Variants in WWOX observed in about 807,000 individuals in gnomAD.
WWOX encodes WW domain-containing oxidoreductase.
A neutral mutation model predicts 46.2 loss-of-function variants in WWOX; 69 were observed. The ratio of observed to expected loss-of-function variants is 1.49; its 90% confidence interval spans 1.23 to 1.82. The LOEUF (loss-of-function observed/expected upper bound fraction) is 1.82, where lower values mean the gene tolerates loss of function less well. Among genes scored for constraint, WWOX ranks in the 40% most tolerant of loss-of-function variants. WWOX has a pLI of 0.00. For missense variants in WWOX, 919 were observed against 542.6 expected, an observed-to-expected ratio of 1.69 and a Z score of -6.89; for synonymous variants, 359 against 202.6, an observed-to-expected ratio of 1.77 and a Z score of -6.56.
At chr16:78,885,698 C>G (rs766421521) in intron 8 of WWOX, among the ~76,000 whole-genome samples, 2 of 151,874 alleles carry the variant, frequency 1.3e-5, no homozygotes, top group African/African-American at 2.4e-5. Context: ...AGGGATAACT[C>G]AATACATTAA....
intron 8 of WWOX, among the ~76,000 whole-genome samples, chr16:78,459,552 T>A (rs2083903024): frequency 6.6e-6 from 1 of 152,166 alleles, no homozygotes; most frequent in Non-Finnish European, 1.5e-5. Context: ...ACATGAATAT[T>A]TGTGGTATAT....
At chr16:78,309,266 T>C (rs560293803) in intron 5 of WWOX, among the ~76,000 whole-genome samples, 2 of 152,202 alleles carry the variant, frequency 1.3e-5, no homozygotes, top group Non-Finnish European at 1.5e-5. Flanking sequence ...TGTTTGGTAG[T>C]TTCTCTGCGT....
intron 8 of WWOX, among the ~76,000 whole-genome samples, chr16:78,763,860 G>C (rs942550634): frequency 1.2e-4 from 18 of 152,138 alleles, no homozygotes; most frequent in Non-Finnish European, 2.6e-4. Flanking sequence ...TTGCCCTGCA[G>C]AGTTTTTGGG....
intron 8 of WWOX, among the ~76,000 whole-genome samples, chr16:78,749,928 A>G (rs2049436637): frequency 6.6e-6 from 1 of 152,178 alleles, no homozygotes; most frequent in African/African-American, 2.4e-5. Context: ...CAGAGAGTAG[A>G]CTTTTAAAAG....
At chr16:78,591,396 A>G in intron 8 of WWOX, among the ~76,000 whole-genome samples, 1 of 152,300 alleles carries the variant, frequency 6.6e-6, no homozygotes, top group Non-Finnish European at 1.5e-5. Context: ...GTAACAGCCC[A>G]GTACACAACT....
Position 79,027,229 on chromosome 16 carries a change from G to A in WWOX, c.1057-184379G>A, listed in dbSNP as rs148147513. Among the ~76,000 whole-genome samples, 666 of 148,584 alleles carry A rather than the reference G, an allele frequency of 4.5e-3. 15 individuals are homozygous for A. Among genetic ancestry groups the A allele is most frequent in the African/African-American group, 0.015 (596 of 39,778 alleles). ...GGGGAGGTTGAGGCTGCAGTGGGCT[G>A]TGATCATGCCACTGCACTTCAGCCT... On this transcript the variant is annotated intron_variant, in intron 8 of 8. Transcript: ENST00000566780.
intron 8 of WWOX, among the ~76,000 whole-genome samples, chr16:79,064,207 C>G (rs1246175871): frequency 6.6e-6 from 1 of 152,138 alleles, no homozygotes; most frequent in Non-Finnish European, 1.5e-5. Flanking sequence ...GAGTGGGGTC[C>G]TTTCACTGAC....
At chr16:78,321,998 A>G (rs1404834121) in intron 5 of WWOX, among the ~76,000 whole-genome samples, 2 of 152,218 alleles carry the variant, frequency 1.3e-5, no homozygotes, top group Admixed American at 6.5e-5. Context: ...ACGCAAATTC[A>G]AATCAGTGCA....
chr16:78,519,394 T>A (rs1232653820), intron 8 of WWOX, among the ~76,000 whole-genome samples: 1 of 152,126 alleles, frequency 6.6e-6, no homozygotes, highest in Non-Finnish European at 1.5e-5. Flanking sequence ...CTCTACCCTC[T>A]TCCCACGTCA....
At chr16:78,964,223 A>G (rs1188597761) in intron 8 of WWOX, among the ~76,000 whole-genome samples, 2 of 152,152 alleles carry the variant, frequency 1.3e-5, no homozygotes, top group Non-Finnish European at 2.9e-5. Flanking sequence ...AACCGTTGGG[A>G]GGTCTCAGAA....
chr16:78,782,792 C>T (rs757323599), intron 8 of WWOX, among the ~76,000 whole-genome samples: 3 of 151,380 alleles, frequency 2.0e-5, no homozygotes, highest in Non-Finnish European at 4.4e-5. Flanking sequence ...ATATGTGATG[C>T]AATCAATCAT....
At chr16:78,882,018 C>T (rs1243901495) in intron 8 of WWOX, among the ~76,000 whole-genome samples, 2 of 152,098 alleles carry the variant, frequency 1.3e-5, no homozygotes, top group Non-Finnish European at 2.9e-5. Context: ...CCCAGCTACT[C>T]TGAAGGCTGA....
At chr16:78,343,667 G>A (rs1198582804) in intron 5 of WWOX, among the ~76,000 whole-genome samples, 1 of 121,292 alleles carries the variant, frequency 8.2e-6, no homozygotes, top group Non-Finnish European at 2.0e-5. Context: ...AATAGCACAT[G>A]TGCTAGATAG....
chr16:78,410,587 A>G (rs1271146667), intron 6 of WWOX, among the ~76,000 whole-genome samples: 3 of 151,954 alleles, frequency 2.0e-5, no homozygotes, highest in Non-Finnish European at 2.9e-5. Context: ...AGGTGAGTGG[A>G]CCATTTGAGG....
At chr16:79,195,551 A>G (rs568038960) in intron 8 of WWOX, among the ~76,000 whole-genome samples, 3 of 152,304 alleles carry the variant, frequency 2.0e-5, no homozygotes, top group South Asian at 2.1e-4. Flanking sequence ...GCACACTACA[A>G]TATCCACTAC....
chr16:79,182,789 C>T (rs553642700), intron 8 of WWOX, among the ~76,000 whole-genome samples: 24 of 152,284 alleles, frequency 1.6e-4, no homozygotes, highest in African/African-American at 4.3e-4. Context: ...TGAGACACTT[C>T]GTGCCTGGCA....
chr16:78,733,856 A>G (rs1352795093), intron 8 of WWOX, among the ~76,000 whole-genome samples: 1 of 152,144 alleles, frequency 6.6e-6, no homozygotes, highest in African/African-American at 2.4e-5. Context: ...ACTTGAGCCC[A>G]GGATTTCGAG....
chr16:78,758,645 G>A (rs1002028825), intron 8 of WWOX, among the ~76,000 whole-genome samples: 5 of 152,144 alleles, frequency 3.3e-5, no homozygotes, highest in African/African-American at 1.2e-4. Context: ...CAGCATGGAG[G>A]TTAAGAGCTC....
At chr16:78,778,862 A>G (rs533245683) in intron 8 of WWOX, among the ~76,000 whole-genome samples, 175 of 152,242 alleles carry the variant, frequency 1.1e-3, no homozygotes, top group Admixed American at 3.2e-3. Flanking sequence ...TAGAAGAAAC[A>G]CCCACATTGA....
Sources: allele counts gnomAD v4.1 joint callset (sites outside exome capture counted in the v4.1 genomes callset), GRCh38; gene constraint gnomAD v4.1.1; transcripts MANE v1.5; gene names NCBI Gene and HGNC (gene_info 2026-07-23, HGNC 2026-07-21).